RALYL: variants seen among roughly 807,000 people sequenced by gnomAD.
RALYL encodes RNA-binding Raly-like protein.
RALYL carries 29 observed loss-of-function variants against 35.1 expected under a neutral mutation model. The ratio of observed to expected loss-of-function variants is 0.83; its 90% CI spans 0.61 to 1.13. The LOEUF is 1.13. Among genes scored for constraint, RALYL ranks in the 50% most tolerant of loss-of-function variants. The pLI is 0.00. For synonymous variants in RALYL, 120 were observed against 127.6 expected (o/e 0.94, Z 0.40); for missense variants, 359 against 360.4 (o/e 1.00, Z 0.03).
intron 2 of RALYL, among the ~76,000 whole-genome samples, chr8:84,589,443 T>C (rs1812738038): frequency 6.6e-6 from 1 of 152,214 alleles, no homozygotes; most frequent in African/African-American, 2.4e-5. Flanking sequence ...ATTAAAACAA[T>C]ACAAATTTAC....
intron 2 of RALYL, among the ~76,000 whole-genome samples, chr8:84,663,790 T>C (rs1056770271): frequency 5.3e-5 from 8 of 152,326 alleles, no homozygotes; most frequent in Non-Finnish European, 8.8e-5. Context: ...TGATGATAGT[T>C]TCCTTTGCTG....
At chr8:84,385,657 C>A (rs1433799049) in intron 1 of RALYL, among the ~76,000 whole-genome samples, 2 of 151,864 alleles carry the variant, frequency 1.3e-5, no homozygotes, top group African/African-American at 2.4e-5. Flanking sequence ...GATTGACTCT[C>A]TTTGTCTCAG....
intron 2 of RALYL, among the ~76,000 whole-genome samples, chr8:84,740,492 G>T (rs550326181): frequency 4.7e-4 from 72 of 152,108 alleles, no homozygotes; most frequent in African/African-American, 1.6e-3. Context: ...GCTGTGAAAA[G>T]TCAGTCATTT....
intron 2 of RALYL, among the ~76,000 whole-genome samples, chr8:84,735,652 A>T (rs995983069): frequency 9.9e-5 from 15 of 152,038 alleles, no homozygotes; most frequent in Non-Finnish European, 1.8e-4. Context: ...GAACACTGAC[A>T]ATCTATCTAC....
intron 2 of RALYL, among the ~76,000 whole-genome samples, chr8:84,738,598 C>T (rs1232119389): frequency 6.6e-6 from 1 of 151,936 alleles, no homozygotes; most frequent in African/African-American, 2.4e-5. Flanking sequence ...ATTGATATTG[C>T]CTCTGCAGCT....
intron 2 of RALYL, among the ~76,000 whole-genome samples, chr8:84,753,533 T>C (rs564154375): frequency 6.6e-6 from 1 of 152,180 alleles, no homozygotes; most frequent in Non-Finnish European, 1.5e-5. Flanking sequence ...GAAATGTAAT[T>C]CCCAGTGTTA....
chr8:84,572,333 T>C (rs1327469345), intron 2 of RALYL, among the ~76,000 whole-genome samples: 1 of 151,828 alleles, frequency 6.6e-6, no homozygotes, highest in South Asian at 2.1e-4. Context: ...TTTCCTGTCA[T>C]AGTGTTGTTA....
chr8:84,564,691 C>G lies in RALYL; in HGVS notation c.256+35114C>G, dbSNP rs147594177. Among the ~76,000 whole-genome samples the G allele has an allele frequency of 1.9e-3, 289 of 151,700 alleles. 1 individual carries two copies. Among genetic ancestry groups the G allele is most frequent in the African/African-American group, 4.0e-3 (165 of 41,488 alleles). ...AGTGATTTTACAGACATAAAGGCTT[C>G]TAAAATTATTGTCTGAACACCAGAA... On this transcript the variant is annotated intron_variant, in intron 2 of 8. Transcript: ENST00000521268.
chr8:84,732,078 C>T (rs532024328), intron 2 of RALYL, among the ~76,000 whole-genome samples: 1 of 152,270 alleles, frequency 6.6e-6, no homozygotes, highest in East Asian at 1.9e-4. Context: ...GAAAATTCCT[C>T]TTCTATAGAT....
At chr8:84,806,124 C>A (rs1232617557) in intron 4 of RALYL, among the ~76,000 whole-genome samples, 3 of 152,230 alleles carry the variant, frequency 2.0e-5, no homozygotes, top group African/African-American at 2.4e-5. Context: ...TTCATAAAAG[C>A]TTTTCAGAAA....
chr8:84,496,980 C>A (rs1486493170), intron 1 of RALYL, among the ~76,000 whole-genome samples: 5 of 152,158 alleles, frequency 3.3e-5, no homozygotes, highest in Non-Finnish European at 5.9e-5. Flanking sequence ...TGAAGAATAA[C>A]CTGTAAGAGC....
intron 3 of RALYL, among the ~76,000 whole-genome samples, chr8:84,798,864 C>T (rs968329719): frequency 6.6e-6 from 1 of 152,104 alleles, no homozygotes; most frequent in Admixed American, 6.5e-5. Flanking sequence ...AATGCCAATG[C>T]ACAGGGGAAA....
intron 1 of RALYL, among the ~76,000 whole-genome samples, chr8:84,362,399 T>C (rs10094681): frequency 0.033 from 5,031 of 152,140 alleles, 281 homozygotes; most frequent in African/African-American, 0.12. Flanking sequence ...TCTCAGCATC[T>C]GATGTGTCCC....
intron 1 of RALYL, among the ~76,000 whole-genome samples, chr8:84,390,146 A>C (rs948225110): frequency 1.6e-4 from 24 of 152,230 alleles, no homozygotes; most frequent in Non-Finnish European, 5.9e-5. Flanking sequence ...GATTACATTT[A>C]TTGATTTGCA....
chr8:84,579,301 G>C (rs1216108384), intron 2 of RALYL, among the ~76,000 whole-genome samples: 14 of 152,204 alleles, frequency 9.2e-5, no homozygotes, highest in Admixed American at 9.2e-4. Flanking sequence ...GGAGTGGGCA[G>C]AGGACAGGCA....
intron 2 of RALYL, among the ~76,000 whole-genome samples, chr8:84,721,254 T>C (rs921608442): frequency 5.3e-5 from 8 of 151,686 alleles, no homozygotes; most frequent in Non-Finnish European, 1.0e-4. Context: ...AAAACTACCA[T>C]GTGATCCAGC....
intron 1 of RALYL, among the ~76,000 whole-genome samples, chr8:84,394,408 C>T (rs897138879): frequency 4.0e-5 from 6 of 151,806 alleles, no homozygotes; most frequent in African/African-American, 1.2e-4. Context: ...TATTATTAAA[C>T]ACTTTGCGTA....
At chr8:84,711,617 T>G (rs900928247) in intron 2 of RALYL, among the ~76,000 whole-genome samples, 1 of 152,178 alleles carries the variant, frequency 6.6e-6, no homozygotes, top group Non-Finnish European at 1.5e-5. Context: ...TAAGGCTTTT[T>G]AAGGCATTGA....
Position 84,677,482 on chromosome 8 carries a change from GAATA to G in RALYL, c.257-97091_257-97088del, listed in dbSNP as rs1834448227. 2.0e-5 allele frequency among the ~76,000 whole-genome samples: 3 copies of G among 152,080 alleles called. No homozygotes were observed. In the South Asian group the frequency reaches 6.2e-4, roughly 31 times the overall value. ...AAGAAATGATATGTTATAATAGCAA[GAATA>G]AATAATTTGCCTATTTCTTAATGAT... On this transcript the variant is annotated intron_variant, in intron 2 of 8. Coordinates refer to ENST00000521268, the MANE Select transcript of RALYL (RefSeq NM_173848.7).
Sources: gnomAD v4.1 joint callset for allele counts (sites outside exome capture counted in the v4.1 genomes callset) on GRCh38, gnomAD v4.1.1 for gene constraint, MANE v1.5 for transcripts, NCBI Gene and HGNC (gene_info 2026-07-23, HGNC 2026-07-21) for gene names.